Variants in ODAD2 observed in about 807,000 individuals in gnomAD.
ODAD2 encodes outer dynein arm-docking complex subunit 2.
A neutral mutation model predicts 106.8 loss-of-function variants in ODAD2; 89 were observed. That is an observed-to-expected ratio of 0.83 (90% CI 0.70 to 0.99). The LOEUF (loss-of-function observed/expected upper bound fraction) is 0.99, where lower values mean the gene tolerates loss of function less well. Among genes scored for constraint, ODAD2 ranks in the 50% least tolerant of loss-of-function variants. The pLI, the probability that ODAD2 is intolerant of heterozygous loss-of-function variation, is 0.00. For synonymous variants in ODAD2, 404 were observed against 436.2 expected, an observed-to-expected ratio of 0.93 and a Z score of 0.92; for missense variants, 1,168 against 1,238.5, an observed-to-expected ratio of 0.94 and a Z score of 0.85.
chr10:27,820,572 G>A (rs1376438518), intron 19 of ODAD2, among the ~76,000 whole-genome samples: 1 of 151,784 alleles, frequency 6.6e-6, no homozygotes, highest in Non-Finnish European at 1.5e-5. Flanking sequence ...ATCTAAGCAG[G>A]TACCCTTTTT....
At chr10:27,966,814 G>T (rs1332874069) in intron 9 of ODAD2, among the ~76,000 whole-genome samples, 1 of 151,980 alleles carries the variant, frequency 6.6e-6, no homozygotes, top group Non-Finnish European at 1.5e-5. Flanking sequence ...CAGGAAAGAT[G>T]AAGTAGATAT....
At chr10:27,859,108 A>C (rs1839864481) in intron 19 of ODAD2, among the ~76,000 whole-genome samples, 2 of 152,014 alleles carry the variant, frequency 1.3e-5, no homozygotes, top group African/African-American at 4.8e-5. Flanking sequence ...GTTCAATAAA[A>C]GTATGCATAA....
At chr10:27,898,734 T>C (rs1432233383) in intron 17 of ODAD2, among the ~76,000 whole-genome samples, 1 of 152,182 alleles carries the variant, frequency 6.6e-6, no homozygotes, top group Admixed American at 6.5e-5. Flanking sequence ...TTCAACATAT[T>C]TGTGATATGT....
At chr10:27,955,706 T>C (rs1847678405) in intron 10 of ODAD2, among the ~76,000 whole-genome samples, 3 of 58,626 alleles carry the variant, frequency 5.1e-5, no homozygotes, top group African/African-American at 7.9e-5. Flanking sequence ...GGTGTGTGTG[T>C]GTGTGTGTGT....
At chr10:27,874,912 G>A (rs1399545676) in intron 17 of ODAD2, among the ~76,000 whole-genome samples, 1 of 152,046 alleles carries the variant, frequency 6.6e-6, no homozygotes, top group Non-Finnish European at 1.5e-5. Flanking sequence ...GCCTTGCTAG[G>A]TTGGGGAAGT....
At position 27,824,073 on chromosome 10, in the gene ODAD2, G is replaced by A. The variant is rs560387916; in HGVS notation, c.3022-11448C>T. ...GAGAATGGCGTGAACCCCAGGGGGC[G>A]GAGCCTGCAGTGAGCCGAGATTGCG... On this transcript the variant is annotated intron_variant, in intron 19 of 19. Transcript: ENST00000305242. 3.8e-4 allele frequency among the ~76,000 whole-genome samples: 43 copies of A among 114,322 alleles called. 4 individuals carry two copies. Among genetic ancestry groups the A allele is most frequent in the South Asian group, 1.8e-3 (6 of 3,390 alleles). 75.0% of individuals were successfully genotyped at this position (114,322 alleles called of 152,430 possible). A position where few individuals can be genotyped will look rare whatever the true frequency, so the allele number is the denominator to read the frequency against.
At chr10:27,958,146 A>T (rs1421489078) in intron 10 of ODAD2, among the ~76,000 whole-genome samples, 2 of 152,234 alleles carry the variant, frequency 1.3e-5, no homozygotes, top group African/African-American at 4.8e-5. Flanking sequence ...TGGGAACTAT[A>T]AGAATTCCAA....
intron 9 of ODAD2, among the ~76,000 whole-genome samples, chr10:27,964,236 C>G (rs1848344922): frequency 6.6e-6 from 1 of 152,036 alleles, no homozygotes; most frequent in African/African-American, 2.4e-5. Context: ...ATAATAATAA[C>G]AATTTGAACA....
chr10:27,822,975 T>G (rs984532885), intron 19 of ODAD2, among the ~76,000 whole-genome samples: 9 of 152,204 alleles, frequency 5.9e-5, no homozygotes, highest in African/African-American at 2.2e-4. Flanking sequence ...ACATTGGGTC[T>G]ATAGTATTGG....
chr10:27,925,477 C>T (rs1349490801), intron 16 of ODAD2, among the ~76,000 whole-genome samples: 1 of 152,198 alleles, frequency 6.6e-6, no homozygotes, highest in Non-Finnish European at 1.5e-5. Flanking sequence ...CCCACCTCAA[C>T]CTCCTGAAAG....
rs911207095 is a variant in ODAD2, at chr10:27,862,425, GTTAC to G, written c.2799+5_2799+8del. ...ATATGCATGTAAAACAAAAAGATGT[GTTAC>G]TTACTGTATTTGCCAGTTTGGACAA... On this transcript the variant is annotated splice_donor_5th_base_variant and intron_variant, in intron 18 of 19. Transcript: ENST00000305242. The G allele has an allele frequency of 4.4e-6, 7 of 1,595,304 alleles. No individual in the cohort carries two copies. The highest frequency in any genetic ancestry group is 6.0e-6 in the Non-Finnish European group (7 of 1,170,254).
At chr10:27,834,895 GAA>G (rs930067497) in intron 19 of ODAD2, among the ~76,000 whole-genome samples, 19 of 152,298 alleles carry the variant, frequency 1.2e-4, no homozygotes, top group African/African-American at 4.6e-4. Flanking sequence ...GATTTTAATG[GAA>G]AGTTTTTCTG....
chr10:27,848,641 A>C (rs1247797300), intron 19 of ODAD2, among the ~76,000 whole-genome samples: 1 of 152,216 alleles, frequency 6.6e-6, no homozygotes, highest in Non-Finnish European at 1.5e-5. Flanking sequence ...AATGGGAGAA[A>C]ATTTTTGCAA....
At chr10:27,820,800 T>C (rs2132858078) in intron 19 of ODAD2, among the ~76,000 whole-genome samples, 2 of 141,004 alleles carry the variant, frequency 1.4e-5, no homozygotes, top group Admixed American at 1.4e-4. Context: ...TTTTTTTTTT[T>C]TGATGGAGTT....
intron 19 of ODAD2, among the ~76,000 whole-genome samples, chr10:27,853,089 C>T (rs1839397932): frequency 6.6e-6 from 1 of 151,966 alleles, no homozygotes; most frequent in African/African-American, 2.4e-5. Flanking sequence ...TAAGCCCTGG[C>T]CGGGCGCAGT....
chr10:27,825,246 T>C (rs971195832), intron 19 of ODAD2, among the ~76,000 whole-genome samples: 2 of 152,216 alleles, frequency 1.3e-5, no homozygotes, highest in Admixed American at 6.5e-5. Context: ...GAGCCACTAC[T>C]ATCTCTTGAA....
At chr10:27,909,083 T>A (rs1843799372) in intron 16 of ODAD2, among the ~76,000 whole-genome samples, 2 of 152,198 alleles carry the variant, frequency 1.3e-5, no homozygotes, top group African/African-American at 4.8e-5. Context: ...CAAATTTAAA[T>A]TGAAAAGTCA....
chr10:27,947,615 G>C (rs1041631856), intron 10 of ODAD2, among the ~76,000 whole-genome samples: 1 of 152,062 alleles, frequency 6.6e-6, no homozygotes, highest in Non-Finnish European at 1.5e-5. Context: ...TGGTTAAAAG[G>C]AGCCAGAAAC....
At chr10:27,978,390 T>A (rs1272233183) in intron 7 of ODAD2, among the ~76,000 whole-genome samples, 14 of 152,126 alleles carry the variant, frequency 9.2e-5, no homozygotes. Context: ...TCTAGAAACA[T>A]CTGAGATAAA....
Sources: allele counts gnomAD v4.1 joint callset (sites outside exome capture counted in the v4.1 genomes callset), GRCh38; gene constraint gnomAD v4.1.1; transcripts MANE v1.5; gene names NCBI Gene and HGNC (gene_info 2026-07-23, HGNC 2026-07-21).